DOCK8: variants seen among roughly 807,000 people sequenced by gnomAD.
The protein encoded by DOCK8 is dedicator of cytokinesis protein 8.
A neutral mutation model predicts 245.6 loss-of-function variants in DOCK8; 141 were observed. The ratio of observed to expected loss-of-function variants is 0.57; its 90% CI spans 0.50 to 0.66. DOCK8 has a LOEUF of 0.66. DOCK8 is among the 30% of genes least tolerant of loss of function. The pLI is 0.00. For synonymous variants in DOCK8, 1,168 were observed against 970.2 expected (o/e 1.20, Z -3.79); for missense variants, 2,965 against 2,603.4 (o/e 1.14, Z -3.02).
chr9:442,900 CAA>C (rs2057137878), intron 42 of DOCK8, among the ~76,000 whole-genome samples: 1 of 152,178 alleles, frequency 6.6e-6, no homozygotes, highest in African/African-American at 2.4e-5. Context: ...CCAAAAAAGA[CAA>C]GAGGGTTTAT....
intron 2 of DOCK8, among the ~76,000 whole-genome samples, chr9:275,245 G>A (rs1034383421): frequency 3.9e-5 from 6 of 152,196 alleles, no homozygotes; most frequent in Admixed American, 1.3e-4. Flanking sequence ...CACTGTGGGA[G>A]ATTAAAAGAA....
At chr9:381,314 A>T (rs1219869389) in intron 21 of DOCK8, 2 of 152,114 alleles carry the variant, frequency 1.3e-5, no homozygotes, top group Non-Finnish European at 2.9e-5. Context: ...GATTCAGCTG[A>T]GAATCTCTTT....
chr9:411,430 A>G (rs928799364), intron 28 of DOCK8, among the ~76,000 whole-genome samples: 3 of 151,916 alleles, frequency 2.0e-5, no homozygotes, highest in African/African-American at 7.3e-5. Flanking sequence ...TAATAATAAT[A>G]ATAATATATT....
chr9:382,419 T>C, intron 21 of DOCK8, 94 bp from the exon 22 acceptor site: 5 of 1,555,644 alleles, frequency 3.2e-6, no homozygotes, highest in Non-Finnish European at 4.4e-6. Flanking sequence ...CCGGTGGCTT[T>C]TCATCCACCC....
chr9:375,540 T>C (rs1025797042), intron 18 of DOCK8, among the ~76,000 whole-genome samples: 2 of 152,188 alleles, frequency 1.3e-5, no homozygotes, highest in African/African-American at 4.8e-5. Flanking sequence ...TTCTGATTAA[T>C]GGGGAAATTG....
chr9:215,421 G>T (rs747827446), intron 1 of DOCK8: 1 of 1,517,306 alleles, frequency 6.6e-7, no homozygotes, highest in Non-Finnish European at 8.8e-7. Flanking sequence ...TTTGAGGCAA[G>T]TCTGAGCGCG....
At chr9:409,045 G>A (rs2055582625) in intron 28 of DOCK8, among the ~76,000 whole-genome samples, 1 of 152,062 alleles carries the variant, frequency 6.6e-6, no homozygotes, top group South Asian at 2.1e-4. Flanking sequence ...ACTTCATCAT[G>A]TAAGCTAAAA....
intron 28 of DOCK8, among the ~76,000 whole-genome samples, chr9:412,407 AAAAAAAAAAAAAAAG>A: frequency 6.7e-6 from 1 of 149,332 alleles, no homozygotes; most frequent in Non-Finnish European, 1.5e-5. Flanking sequence ...CCTGTCTCAA[AAAAAAAAAAAAAAAG>A]AAAAAGAAGA....
chr9:334,938 C>T (rs2051239141), intron 11 of DOCK8, among the ~76,000 whole-genome samples: 1 of 151,990 alleles, frequency 6.6e-6, no homozygotes, highest in African/African-American at 2.4e-5. Flanking sequence ...AAAAAATTTG[C>T]TGGGTGTGGT....
intron 11 of DOCK8, 38 bp downstream of exon 11, chr9:334,422 C>G: frequency 6.2e-7 from 1 of 1,604,762 alleles, no homozygotes; most frequent in Non-Finnish European, 8.5e-7. Context: ...GGAGGGCTCC[C>G]CAGTGTGCGC....
intron 14 of DOCK8, among the ~76,000 whole-genome samples, chr9:353,724 G>T (rs894949185): frequency 2.0e-5 from 3 of 152,146 alleles, no homozygotes; most frequent in Non-Finnish European, 4.4e-5. Flanking sequence ...TATGCAAATG[G>T]TGTCTTGAAA....
chr9:366,998 C>T (rs926484558), intron 14 of DOCK8, among the ~76,000 whole-genome samples: 2 of 152,118 alleles, frequency 1.3e-5, no homozygotes, highest in African/African-American at 4.8e-5. Flanking sequence ...GGTTGAATTC[C>T]CCGCTCTGCC....
intron 1 of DOCK8, among the ~76,000 whole-genome samples, chr9:263,372 A>G (rs1318842551): frequency 2.0e-5 from 3 of 152,156 alleles, no homozygotes; most frequent in Admixed American, 6.5e-5. Flanking sequence ...ACCATTTCCC[A>G]GATGATATAA....
At position 355,454 on chromosome 9, in the gene DOCK8, G is replaced by A. The variant is rs532814872; in HGVS notation, c.1680-12564G>A. 7.1e-3 allele frequency among the ~76,000 whole-genome samples: 1,077 copies of A among 151,708 alleles called. 10 individuals carry two copies. The highest frequency in any genetic ancestry group is 0.022 in the South Asian group (104 of 4,790). ...CCTGACCCTGTGATCTACCCACCTTGGCCTCCCAAAGTGCTGGGATTACAG... is the reference window on the plus strand; with the variant it reads ...CCTGACCCTGTGATCTACCCACCTTAGCCTCCCAAAGTGCTGGGATTACAG... On this transcript the variant is annotated intron_variant, in intron 14 of 47. Transcript: ENST00000432829.
chr9:400,251 C>T (rs1384216675), intron 26 of DOCK8, among the ~76,000 whole-genome samples: 30 of 100,968 alleles, frequency 3.0e-4, no homozygotes, highest in African/African-American at 1.1e-3. Flanking sequence ...CCACCTCCAC[C>T]ATCACCACCA....
At chr9:382,920 A>G (rs143468603) in intron 22 of DOCK8, among the ~76,000 whole-genome samples, 9 of 152,242 alleles carry the variant, frequency 5.9e-5, no homozygotes, top group African/African-American at 1.7e-4. Flanking sequence ...TTGGGTAGCA[A>G]AGTTTTAAAG....
At position 317,192 on chromosome 9, in the gene DOCK8, T is replaced by G. The variant is rs536395171; in HGVS notation, c.827+64T>G. The stretch of plus-strand genomic sequence containing the variant: ...TATCTTGCCTTTTACATACAAATGT[T>G]GTGTTTATTATCAGAGCTTGAATCA... On this transcript the variant is annotated intron_variant, in intron 7 of 47. Transcript: ENST00000432829. The G allele has an allele frequency of 1.2e-5, 16 of 1,314,586 alleles. No homozygotes were observed. In the African/African-American group the frequency reaches 1.9e-4, roughly 16 times the overall value. 81.4% of individuals were successfully genotyped at this position (1,314,586 alleles called of 1,614,324 possible).
At chr9:220,098 G>A (rs538082772) in intron 1 of DOCK8, among the ~76,000 whole-genome samples, 5 of 152,362 alleles carry the variant, frequency 3.3e-5, no homozygotes, top group African/African-American at 9.6e-5. Context: ...GCAGAGTGAG[G>A]TAGTGTGCTT....
At chr9:261,482 T>TATA (rs2047916799) in intron 1 of DOCK8, among the ~76,000 whole-genome samples, 2 of 152,230 alleles carry the variant, frequency 1.3e-5, no homozygotes, top group African/African-American at 2.4e-5. Context: ...CTACTCTATA[T>TATA]GATTTCTGGA....
Sources: allele counts gnomAD v4.1 joint callset (sites outside exome capture counted in the v4.1 genomes callset), GRCh38; gene constraint gnomAD v4.1.1; transcripts MANE v1.5; gene names NCBI Gene and HGNC (gene_info 2026-07-23, HGNC 2026-07-21).